The following PAQR4 variants were observed in gnomAD, a reference collection of about 807,000 sequenced individuals.
PAQR4 encodes progestin and adipoQ receptor family member IV.
Under a neutral mutation model 20.9 loss-of-function variants are expected in PAQR4, and 26 were observed. That is an observed-to-expected ratio of 1.24 (90% CI 0.91 to 1.73). PAQR4 has a LOEUF of 1.73. PAQR4 is among the 40% of genes most tolerant of loss of function. The pLI, the probability that PAQR4 is intolerant of heterozygous loss-of-function variation, is 0.00. For synonymous variants in PAQR4, 193 were observed against 171.6 expected (o/e 1.12, Z -0.97); for missense variants, 400 against 380.1 (o/e 1.05, Z -0.44).
In PAQR4 at chr16:2,972,218, C is replaced by T; in HGVS notation, c.*270C>T. 1 of 547,330 alleles carries T rather than the reference C, an allele frequency of 1.8e-6. No homozygotes were observed. The highest frequency in any genetic ancestry group is 3.2e-6 in the Non-Finnish European group (1 of 311,760). 33.9% of individuals were successfully genotyped at this position (547,330 alleles called of 1,614,324 possible). On this transcript the variant is annotated 3_prime_UTR_variant, in exon 3 of 3. Transcript: ENST00000318782. ...TTCCCTCTTGGGACCTCTTTACCCT[C>T]TGTGACCTGTGGGGTTAGACCAGAG...
chr16:2,971,451 G>C (rs1012095958), intron 2 of PAQR4, 64 bp from the exon 3 acceptor site: 2 of 1,576,860 alleles, frequency 1.3e-6, no homozygotes, highest in African/African-American at 1.3e-5. Flanking sequence ...ACAAGCCATG[G>C]GTAGGGAAGG....
chr16:2,969,840 G>C lies in PAQR4; in HGVS notation c.166G>C (p.Gly56Arg). 5.6e-6 allele frequency: 9 copies of C among 1,609,512 alleles called. No homozygotes were observed. Among genetic ancestry groups the C allele is most frequent in the Non-Finnish European group, 7.6e-6 (9 of 1,178,510 alleles). Residue 56 changes from glycine to arginine, a missense_variant and splice_region_variant, in exon 1 of 3, where the codon GGG (glycine) becomes CGG (arginine). Gly to Arg is a moderately radical substitution (Grantham distance 125). Coordinates refer to ENST00000318782, the MANE Select transcript of PAQR4 (RefSeq NM_152341.5). The part of the protein sequence containing the change: ...HNELGNIYTH[G>R]LALLGFLVLV... ...CGAACTGGGCAACATCTACACGCAC[G>C]GTGAGCCGCGTCCCGCAACGCGCTT...
rs2071998553 is a variant in PAQR4 at position 2,971,717 on chromosome 16, A to G, written c.591A>G (p.Ser197=). ...GGGCCCGGGGAGTGGGTCTGGGTTC[A>G]GGGGCTCCAGGCTCCCTGCCCTGCT... ...VFGARGVGLG[S]GAPGSLPCYL... is the part of the protein sequence containing the mutation. The change falls in exon 3 of 3, where the codon TCA becomes TCG. Residue 197 remains serine (S), a synonymous_variant. Transcript: ENST00000318782. 1 of 1,612,382 alleles carries G rather than the reference A, an allele frequency of 6.2e-7. No individual in the cohort carries two copies. Among genetic ancestry groups the G allele is most frequent in the Non-Finnish European group, 8.5e-7 (1 of 1,179,720 alleles).
In PAQR4 at chr16:2,972,809, TGG is replaced by T; in HGVS notation, c.*863_*864del. 1 of 1,539,310 alleles carries T rather than the reference TGG, an allele frequency of 6.5e-7. No individual in the cohort carries two copies. The highest frequency in any genetic ancestry group is 8.8e-7 in the Non-Finnish European group (1 of 1,140,616). ...GGCCATGTTGCCACATGAGCAAGCTTGGGTGCTCCCAAGGTTCAAATACTTTT... is the reference window on the plus strand; with the variant it reads ...GGCCATGTTGCCACATGAGCAAGCTTGTGCTCCCAAGGTTCAAATACTTTT... On this transcript the variant is annotated 3_prime_UTR_variant, in exon 3 of 3. Transcript: ENST00000318782.
chr16:2,969,583 G>C lies in PAQR4; in HGVS notation c.-92G>C. On this transcript the variant is annotated 5_prime_UTR_variant, in exon 1 of 3. Transcript: ENST00000318782. ...GATGGGTGGGCGCCGGGCGCCGGGC[G>C]CCAGGCAGTGATGGGCCTTCCCGCG... 1 of 1,326,154 alleles carries C rather than the reference G, an allele frequency of 7.5e-7. No homozygotes were observed. The highest frequency in any genetic ancestry group is 9.7e-7 in the Non-Finnish European group (1 of 1,035,996). The allele number at this position is 1,326,154 out of a possible 1,614,324, so 82.1% of individuals were successfully genotyped here. A position where few individuals can be genotyped will look rare whatever the true frequency, so the allele number is the denominator to read the frequency against.
chr16:2,969,998 G>C lies in PAQR4; in HGVS notation c.166+158G>C, dbSNP rs2071937211. On this transcript the variant is annotated intron_variant, in intron 1 of 2. Coordinates refer to ENST00000318782, the MANE Select transcript of PAQR4 (RefSeq NM_152341.5). ...GCGGTGACAAAGCTGCCATTGTCCC[G>C]GGCCGCGCTGCCAGCTTCCGTTTTC... is the stretch of plus-strand genomic sequence containing the variant. The C allele has an allele frequency of 3.0e-6, 3 of 1,010,222 alleles. No individual in the cohort carries two copies. The East Asian group carries it at 8.4e-5, about 28-fold the overall frequency. The allele number at this position is 1,010,222 out of a possible 1,614,324, so 62.6% of individuals were successfully genotyped here. A position where few individuals can be genotyped will look rare whatever the true frequency, so the allele number is the denominator to read the frequency against.
chr16:2,972,694 T>A lies in PAQR4; in HGVS notation c.*746T>A, dbSNP rs1413247306. On this transcript the variant is annotated 3_prime_UTR_variant, in exon 3 of 3. Coordinates refer to ENST00000318782, the MANE Select transcript of PAQR4 (RefSeq NM_152341.5). The stretch of plus-strand genomic sequence containing the variant: ...CCACACAGCATGGGGCTTCAGCTGC[T>A]GGCCCAAGGCCAGGAGCGCTGGGTT... 3 of 1,535,806 alleles carry A rather than the reference T, an allele frequency of 2.0e-6. No homozygotes were observed. In the African/African-American group the frequency reaches 4.1e-5, roughly 21 times the overall value.
chr16:2,972,585 G>A lies in PAQR4; in HGVS notation c.*637G>A. 6.6e-7 allele frequency: 1 copy of A among 1,524,926 alleles called. No individual in the cohort carries two copies. Among genetic ancestry groups the A allele is most frequent in the Non-Finnish European group, 8.8e-7 (1 of 1,139,978 alleles). The allele number at this position is 1,524,926 out of a possible 1,614,324, so 94.5% of individuals were successfully genotyped here. On this transcript the variant is annotated 3_prime_UTR_variant, in exon 3 of 3. Coordinates refer to ENST00000318782, the MANE Select transcript of PAQR4 (RefSeq NM_152341.5). ...TCAGATCCTGGGACCCCTGGGCCGT[G>A]CCTGCCCTCCACCTTGAGTGCCATA...
At chr16:2,970,049 G>A (rs1178830027) in intron 1 of PAQR4, 7 of 639,066 alleles carry the variant, frequency 1.1e-5, no homozygotes, top group South Asian at 5.9e-5. Flanking sequence ...CGGGTCAGGA[G>A]AGGGGAGCAG....
Position 2,972,910 on chromosome 16 carries a change from A to T in PAQR4, c.*962A>T. 1 of 1,565,804 alleles carries T rather than the reference A, an allele frequency of 6.4e-7. No individual in the cohort carries two copies. Among genetic ancestry groups the T allele is most frequent in the Non-Finnish European group, 8.7e-7 (1 of 1,153,142 alleles). On this transcript the variant is annotated 3_prime_UTR_variant, in exon 3 of 3. Coordinates refer to ENST00000318782, the MANE Select transcript of PAQR4 (RefSeq NM_152341.5). ...CCAGCTTTCAAGGGCGACGGGAGAGACACAGGATAAAAGGTTAAAAGTGCA... is the reference window on the plus strand; with the variant it reads ...CCAGCTTTCAAGGGCGACGGGAGAGTCACAGGATAAAAGGTTAAAAGTGCA...
chr16:2,971,387 G>C lies in PAQR4; in HGVS notation c.388+9G>C. 6.2e-7 allele frequency: 1 copy of C among 1,604,654 alleles called. No individual in the cohort carries two copies. The highest frequency in any genetic ancestry group is 1.3e-5 in the African/African-American group (1 of 75,016). ...CCTTGTCAACACCCTTGGTGAGTCAGGGCCCAAGGGATGGGAGCTGGAGCC... is the reference window on the plus strand; with the variant it reads ...CCTTGTCAACACCCTTGGTGAGTCACGGCCCAAGGGATGGGAGCTGGAGCC... On this transcript the variant is annotated intron_variant, in intron 2 of 2. Coordinates refer to ENST00000318782, the MANE Select transcript of PAQR4 (RefSeq NM_152341.5).
At position 2,969,835 on chromosome 16, in the gene PAQR4, C is replaced by G. The variant is rs748665452; in HGVS notation, c.161C>G (p.Thr54Arg). 6.8e-6 allele frequency: 11 copies of G among 1,610,228 alleles called. No individual in the cohort carries two copies. Among genetic ancestry groups the G allele is most frequent in the Admixed American group, 5.0e-5 (3 of 59,960 alleles). The part of the protein sequence containing the change: ...YLHNELGNIY[T>R]HGLALLGFLV... ...CACAACGAACTGGGCAACATCTACACGCACGGTGAGCCGCGTCCCGCAACG... is the reference window on the plus strand; with the variant it reads ...CACAACGAACTGGGCAACATCTACAGGCACGGTGAGCCGCGTCCCGCAACG... The change falls in exon 1 of 3, where the codon ACG (threonine) becomes AGG (arginine). Residue 54 changes from threonine (T) to arginine (R), a missense_variant. By Grantham distance (71) the Thr-to-Arg change is moderately conservative. Coordinates refer to ENST00000318782, the MANE Select transcript of PAQR4 (RefSeq NM_152341.5).
chr16:2,971,984 A>AACAC lies in PAQR4; in HGVS notation c.*36_*37insACAC. ...CAGCCTGCCCACAGCAGCCTCCTAGAGTTAGCAACACCAGGTGTTCCTCCC... is the reference window on the plus strand; with the variant it reads ...CAGCCTGCCCACAGCAGCCTCCTAGAACACGTTAGCAACACCAGGTGTTCCTCCC... On this transcript the variant is annotated 3_prime_UTR_variant, in exon 3 of 3. Transcript: ENST00000318782. 1 of 1,519,836 alleles carries AACAC rather than the reference A, an allele frequency of 6.6e-7. No individual in the cohort carries two copies. Among genetic ancestry groups the AACAC allele is most frequent in the Admixed American group, 1.9e-5 (1 of 51,292 alleles). The allele number at this position is 1,519,836 out of a possible 1,614,324, so 94.1% of individuals were successfully genotyped here.
chr16:2,970,061 G>A (rs936154316), intron 1 of PAQR4: 3 of 608,930 alleles, frequency 4.9e-6, no homozygotes, highest in Non-Finnish European at 8.4e-6. Context: ...GGGGAGCAGA[G>A]TAGGGTCTGA....
intron 1 of PAQR4, 135 bp from the exon 2 acceptor site, chr16:2,971,022 T>C (rs571332291): frequency 1.2e-5 from 10 of 853,100 alleles, no homozygotes; most frequent in African/African-American, 1.0e-4. Context: ...GGCCTGTCTC[T>C]GGCCAAGGCC....
chr16:2,973,242 G>A lies in PAQR4; in HGVS notation c.*1294G>A. 6.7e-7 allele frequency: 1 copy of A among 1,482,206 alleles called. No individual in the cohort carries two copies. Among genetic ancestry groups the A allele is most frequent in the South Asian group, 1.4e-5 (1 of 72,462 alleles). The allele number at this position is 1,482,206 out of a possible 1,614,324, so 91.8% of individuals were successfully genotyped here. A position where few individuals can be genotyped will look rare whatever the true frequency, so the allele number is the denominator to read the frequency against. ...TGCAGGAGGGCAGGCGAGACAAGGA[G>A]GGTGTCCAGGGCTAGGGAGTGCCGG... On this transcript the variant is annotated 3_prime_UTR_variant, in exon 3 of 3. Transcript: ENST00000318782.
Position 2,971,559 on chromosome 16 carries a change from CTGCGCCCGGCTGCCCTGGT to C in PAQR4, c.434_452del (p.Leu145ArgfsTer69). ...CTGCACCCTGGCCTGCAGGCCCTGG[CTGCGCCCGGCTGCCCTGGT>C]GGGCTACACTGTGTTGTCGGGTGTG... On this transcript the variant is annotated frameshift_variant, in exon 3 of 3. Coordinates refer to ENST00000318782, the MANE Select transcript of PAQR4 (RefSeq NM_152341.5). LOFTEE classifies it high-confidence loss of function. 2 of 1,595,972 alleles carry C rather than the reference CTGCGCCCGGCTGCCCTGGT, an allele frequency of 1.3e-6. No individual in the cohort carries two copies. The highest frequency in any genetic ancestry group is 1.7e-6 in the Non-Finnish European group (2 of 1,176,948).
chr16:2,972,815 CT>C lies in PAQR4; in HGVS notation c.*868del, dbSNP rs2072033767. On this transcript the variant is annotated 3_prime_UTR_variant, in exon 3 of 3. Coordinates refer to ENST00000318782, the MANE Select transcript of PAQR4 (RefSeq NM_152341.5). ...GTTGCCACATGAGCAAGCTTGGGTG[CT>C]CCCAAGGTTCAAATACTTTTTATTA... is the stretch of plus-strand genomic sequence containing the variant. 8 of 1,538,118 alleles carry C rather than the reference CT, an allele frequency of 5.2e-6. No individual in the cohort carries two copies. Among genetic ancestry groups the C allele is most frequent in the Non-Finnish European group, 7.0e-6 (8 of 1,139,646 alleles).
In PAQR4 at chr16:2,971,397, G is replaced by T. The variant is rs754230921; in HGVS notation, c.388+19G>T. 1.6e-5 allele frequency: 26 copies of T among 1,602,518 alleles called. No homozygotes were observed. Among genetic ancestry groups the T allele is most frequent in the Non-Finnish European group, 2.1e-5 (25 of 1,177,880 alleles). ...ACCCTTGGTGAGTCAGGGCCCAAGGGATGGGAGCTGGAGCCACCGGCGGGA... is the reference window on the plus strand; with the variant it reads ...ACCCTTGGTGAGTCAGGGCCCAAGGTATGGGAGCTGGAGCCACCGGCGGGA... On this transcript the variant is annotated intron_variant, in intron 2 of 2. Coordinates refer to ENST00000318782, the MANE Select transcript of PAQR4 (RefSeq NM_152341.5).
Sources: allele counts gnomAD v4.1 joint callset, GRCh38; gene constraint gnomAD v4.1.1; transcripts MANE v1.5; gene names NCBI Gene and HGNC (gene_info 2026-07-23, HGNC 2026-07-21).